The following EFCAB6 variants were observed in gnomAD, a reference collection of about 807,000 sequenced individuals.
EFCAB6 encodes the protein EF-hand calcium-binding domain-containing protein 6.
Under a neutral mutation model 169.8 loss-of-function variants are expected in EFCAB6, and 156 were observed. The ratio of observed to expected loss-of-function variants is 0.92; its 90% CI spans 0.81 to 1.05. EFCAB6 has a LOEUF of 1.05. EFCAB6 is among the 50% of genes least tolerant of loss of function. EFCAB6 has a pLI of 0.00. For missense variants in EFCAB6, 1,800 were observed against 1,829.1 expected (o/e 0.98, Z 0.29); for synonymous variants, 698 against 676.4 (o/e 1.03, Z -0.50).
chr22:43,564,970 C>T lies in EFCAB6; in HGVS notation c.3421-9874G>A, dbSNP rs1367568962. On this transcript the variant is annotated intron_variant, in intron 26 of 31. Transcript: ENST00000262726. ...TTCTTGGGGTCTGTCACCTCTATGGCCCCCCTGCTTCTGTTCACCCTGTCT... is the reference window on the plus strand; with the variant it reads ...TTCTTGGGGTCTGTCACCTCTATGGTCCCCCTGCTTCTGTTCACCCTGTCT... 3.9e-5 allele frequency among the ~76,000 whole-genome samples: 6 copies of T among 152,296 alleles called. 1 individual carries two copies. The South Asian group carries it at 1.2e-3, about 32-fold the overall frequency.
chr22:43,789,917 CA>C (rs1395758610), intron 2 of EFCAB6, among the ~76,000 whole-genome samples: 1 of 151,120 alleles, frequency 6.6e-6, no homozygotes, highest in Non-Finnish European at 1.5e-5. Flanking sequence ...GTATTAAATG[CA>C]AGTGTAAAAT....
chr22:43,742,935 G>A (rs1000154972), intron 6 of EFCAB6, among the ~76,000 whole-genome samples: 1 of 152,178 alleles, frequency 6.6e-6, no homozygotes, highest in Non-Finnish European at 1.5e-5. Flanking sequence ...AAACCCACTG[G>A]GCTCTTCTGC....
intron 10 of EFCAB6, among the ~76,000 whole-genome samples, chr22:43,700,765 T>C (rs1414034175): frequency 6.6e-6 from 1 of 152,228 alleles, no homozygotes; most frequent in Non-Finnish European, 1.5e-5. Flanking sequence ...ATGTCTTTGA[T>C]GAGATTCATC....
chr22:43,643,631 C>A (rs954604355), intron 17 of EFCAB6, among the ~76,000 whole-genome samples: 2 of 152,188 alleles, frequency 1.3e-5, no homozygotes, highest in Non-Finnish European at 2.9e-5. Context: ...GCTCCTCACC[C>A]TGGGAGACGC....
chr22:43,615,178 G>C (rs1350055906), intron 21 of EFCAB6, among the ~76,000 whole-genome samples: 1 of 152,220 alleles, frequency 6.6e-6, no homozygotes, highest in Non-Finnish European at 1.5e-5. Context: ...ATACTTATTA[G>C]AGGGAAGCTA....
chr22:43,586,113 T>C (rs1047866539), intron 24 of EFCAB6, among the ~76,000 whole-genome samples: 3 of 152,264 alleles, frequency 2.0e-5, no homozygotes. Context: ...TAACATCTTT[T>C]TTTTCTCACT....
Position 43,540,218 on chromosome 22 carries a change from C to T in EFCAB6, c.3788G>A (p.Ser1263Asn), listed in dbSNP as rs1044888067. The change falls in exon 28 of 32, where the codon AGT becomes AAT. Residue 1263 changes from serine to asparagine, a missense_variant. Physicochemically the swap from Ser to Asn is conservative, Grantham distance 46. Transcript: ENST00000262726. ...GGTGCCTTCCGAGACGTCAGGGACA[C>T]TGCTCCCTCTCTGGGCCACGGCCGA... ...GDSAVAQRGS[S>N]VPDVSEGTRS... 49 of 1,614,126 alleles carry T rather than the reference C, an allele frequency of 3.0e-5. No individual in the cohort carries two copies. Among genetic ancestry groups the T allele is most frequent in the Non-Finnish European group, 4.2e-5 (49 of 1,180,058 alleles).
At chr22:43,648,073 G>T (rs1455166656) in intron 17 of EFCAB6, among the ~76,000 whole-genome samples, 4 of 152,174 alleles carry the variant, frequency 2.6e-5, no homozygotes, top group African/African-American at 7.2e-5. Flanking sequence ...TCCTAAGGCT[G>T]TTGTAATAAA....
chr22:43,537,648 G>T lies in EFCAB6; in HGVS notation c.3880-103C>A. The T allele has an allele frequency of 1.6e-6, 2 of 1,267,998 alleles. No homozygotes were observed. The highest frequency in any genetic ancestry group is 2.1e-6 in the Non-Finnish European group (2 of 942,098). The allele number at this position is 1,267,998 out of a possible 1,614,324, so 78.5% of individuals were successfully genotyped here. On this transcript the variant is annotated intron_variant, in intron 28 of 31. Transcript: ENST00000262726. The surrounding 1 kb of genome is among the most constrained non-coding windows in gnomAD (Gnocchi z 4.3). ...AGTTTTGAGGTTCACAATTTTAGAGGCAGAATTAGCCCAGAAATAAAATGA... is the reference window on the plus strand; with the variant it reads ...AGTTTTGAGGTTCACAATTTTAGAGTCAGAATTAGCCCAGAAATAAAATGA...
chr22:43,633,442 G>A (rs1176573750), intron 18 of EFCAB6, among the ~76,000 whole-genome samples: 1 of 152,204 alleles, frequency 6.6e-6, no homozygotes, highest in African/African-American at 2.4e-5. Context: ...CAGCTACTTG[G>A]GAGGCTGAGG....
intron 23 of EFCAB6, among the ~76,000 whole-genome samples, chr22:43,591,328 G>A (rs1346344460): frequency 6.6e-6 from 1 of 151,346 alleles, no homozygotes; most frequent in African/African-American, 2.4e-5. Context: ...ATGGCGGTGG[G>A]CACCTGTAAT....
At chr22:43,531,063 C>T (rs1423481662) in intron 30 of EFCAB6, 99 bp from the exon 31 acceptor site, 7 of 1,508,160 alleles carry the variant, frequency 4.6e-6, no homozygotes, top group African/African-American at 2.8e-5. Context: ...AGCCCTGCTC[C>T]GGCTTCACCT....
chr22:43,765,269 A>T, intron 5 of EFCAB6, 36 bp downstream of exon 5: 1 of 1,535,428 alleles, frequency 6.5e-7, no homozygotes, highest in Non-Finnish European at 9.0e-7. Context: ...ATCATTTCAA[A>T]TTTCACATTT....
intron 23 of EFCAB6, among the ~76,000 whole-genome samples, chr22:43,591,830 G>A (rs1002433302): frequency 4.6e-5 from 7 of 152,152 alleles, no homozygotes; most frequent in Non-Finnish European, 7.3e-5. Context: ...TTACGGTTAA[G>A]GAACTCAAAA....
chr22:43,602,231 G>A (rs2052574780), intron 22 of EFCAB6, among the ~76,000 whole-genome samples: 1 of 152,222 alleles, frequency 6.6e-6, no homozygotes, highest in Non-Finnish European at 1.5e-5. Context: ...TGTCTATTAT[G>A]AGGATGGCCT....
chr22:43,565,067 C>T (rs1369818143), intron 26 of EFCAB6, among the ~76,000 whole-genome samples: 1 of 152,164 alleles, frequency 6.6e-6, no homozygotes. Context: ...TTTCCCCGCC[C>T]CTTGGCTTTG....
intron 6 of EFCAB6, among the ~76,000 whole-genome samples, chr22:43,743,271 G>T (rs1441727434): frequency 6.6e-6 from 1 of 152,196 alleles, no homozygotes; most frequent in African/African-American, 2.4e-5. Flanking sequence ...CCCAGGCAGG[G>T]TGGTTTGCCC....
Position 43,620,906 on chromosome 22 carries a change from A to G in EFCAB6, c.2466-4984T>C, listed in dbSNP as rs528256733. On this transcript the variant is annotated intron_variant, in intron 20 of 31. Transcript: ENST00000262726. ...CTGACATTTACAGAACACTCCACCC[A>G]ACAGCACCAGAATACACATTCTTTT... Among the ~76,000 whole-genome samples the G allele has an allele frequency of 5.9e-5, 9 of 152,286 alleles. No individual in the cohort carries two copies. The South Asian group carries it at 8.3e-4, about 14-fold the overall frequency.
chr22:43,540,105 C>G (rs747422256), intron 28 of EFCAB6, 22 bp downstream of exon 28: 1 of 1,612,496 alleles, frequency 6.2e-7, no homozygotes, highest in Admixed American at 1.7e-5. Context: ...GCCTGGGACA[C>G]CTGGCAGGAT....
Sources: gnomAD v4.1 joint callset for allele counts (sites outside exome capture counted in the v4.1 genomes callset) on GRCh38, gnomAD v4.1.1 for gene constraint, Gnocchi (gnomAD v3.1) non-coding constraint, MANE v1.5 for transcripts, NCBI Gene and HGNC (gene_info 2026-07-23, HGNC 2026-07-21) for gene names.